ATXN1: variants seen among roughly 807,000 people sequenced by gnomAD.
The protein encoded by ATXN1 is ataxin 1.
Under a neutral mutation model 56.4 loss-of-function variants are expected in ATXN1, and 8 were observed. The ratio of observed to expected loss-of-function variants is 0.14; its 90% CI spans 0.08 to 0.26. ATXN1 has a LOEUF of 0.26. Ranked by LOEUF, ATXN1 falls within the 10% of genes least tolerant of loss-of-function variation. The pLI, the probability that ATXN1 is intolerant of heterozygous loss-of-function variation, is 1.00. For missense variants in ATXN1, 987 were observed against 1,106.5 expected, an observed-to-expected ratio of 0.89 and a Z score of 1.53; for synonymous variants, 514 against 494.6, an observed-to-expected ratio of 1.04 and a Z score of -0.52.
intron 2 of ATXN1, among the ~76,000 whole-genome samples, chr6:16,660,808 A>G (rs988481447): frequency 2.0e-5 from 3 of 151,720 alleles, no homozygotes; most frequent in African/African-American, 7.3e-5. Context: ...CAACTCAGGG[A>G]AAAAAGAGGT....
intron 7 of ATXN1, among the ~76,000 whole-genome samples, chr6:16,313,433 G>A (rs1760443894): frequency 6.6e-6 from 1 of 152,128 alleles, no homozygotes; most frequent in Admixed American, 6.5e-5. Flanking sequence ...CCAAAGACAG[G>A]CCTTAGAATT....
chr6:16,701,693 GACAA>G (rs58758067), intron 2 of ATXN1, among the ~76,000 whole-genome samples: 26,960 of 151,834 alleles, frequency 0.18, 3,215 homozygotes, highest in African/African-American at 0.34. Flanking sequence ...ACCACTAACA[GACAA>G]ACAGAGAGCC....
chr6:16,368,790 G>T (rs1186242450), intron 6 of ATXN1, among the ~76,000 whole-genome samples: 1 of 152,126 alleles, frequency 6.6e-6, no homozygotes, highest in African/African-American at 2.4e-5. Context: ...GTCTTAATCT[G>T]CATCTTAGTA....
chr6:16,741,783 C>T (rs1304971345), intron 2 of ATXN1, among the ~76,000 whole-genome samples: 1 of 152,222 alleles, frequency 6.6e-6, no homozygotes, highest in Admixed American at 6.5e-5. Context: ...TACTCACATT[C>T]TGCTAATCAC....
chr6:16,547,996 A>G (rs1761845944), intron 4 of ATXN1, among the ~76,000 whole-genome samples: 1 of 152,142 alleles, frequency 6.6e-6, no homozygotes, highest in Non-Finnish European at 1.5e-5. Context: ...CTATGCTCTG[A>G]GAAATGCATC....
At chr6:16,340,253 A>G (rs978643936) in intron 6 of ATXN1, among the ~76,000 whole-genome samples, 1 of 152,180 alleles carries the variant, frequency 6.6e-6, no homozygotes, top group Non-Finnish European at 1.5e-5. Flanking sequence ...ATACGTTCCA[A>G]CCTCAGAGGA....
chr6:16,432,840 T>C (rs1340806515), intron 6 of ATXN1: 2 of 152,188 alleles, frequency 1.3e-5, no homozygotes, highest in Non-Finnish European at 2.9e-5. Context: ...TGCCAATGTC[T>C]GGGCTGACAT....
intron 4 of ATXN1, among the ~76,000 whole-genome samples, chr6:16,548,099 G>A (rs1404170096): frequency 6.6e-6 from 1 of 152,162 alleles, no homozygotes; most frequent in Non-Finnish European, 1.5e-5. Context: ...ATGGTACAAT[G>A]TATTGCTTCC....
chr6:16,335,123 G>A (rs562760691), intron 6 of ATXN1, among the ~76,000 whole-genome samples: 2 of 152,354 alleles, frequency 1.3e-5, no homozygotes, highest in Admixed American at 6.5e-5. Flanking sequence ...CTGAGACTGT[G>A]ATTCCACTCT....
intron 6 of ATXN1, among the ~76,000 whole-genome samples, chr6:16,430,554 T>C (rs747073304): frequency 2.6e-5 from 4 of 152,218 alleles, no homozygotes; most frequent in Admixed American, 1.3e-4. Flanking sequence ...TACACAGATG[T>C]TCCATGATTT....
intron 6 of ATXN1, among the ~76,000 whole-genome samples, chr6:16,395,680 T>C (rs1758440807): frequency 6.6e-6 from 1 of 152,214 alleles, no homozygotes. Context: ...TACGATACTA[T>C]ACTTTTTATT....
At chr6:16,668,527 T>C (rs1425841914) in intron 2 of ATXN1, among the ~76,000 whole-genome samples, 4 of 152,138 alleles carry the variant, frequency 2.6e-5, no homozygotes, top group African/African-American at 9.7e-5. Flanking sequence ...CAGGAGTCTA[T>C]AGAGTTCAGC....
intron 4 of ATXN1, among the ~76,000 whole-genome samples, chr6:16,579,343 G>C (rs1762481156): frequency 1.3e-5 from 2 of 152,058 alleles, no homozygotes. Flanking sequence ...CTTTTCCACA[G>C]GGACTTCAAA....
chr6:16,517,210 G>T (rs1243893560), intron 5 of ATXN1, among the ~76,000 whole-genome samples: 1 of 152,120 alleles, frequency 6.6e-6, no homozygotes, highest in African/African-American at 2.4e-5. Flanking sequence ...ATGTCTTTAG[G>T]TCTATTTAAT....
intron 5 of ATXN1, among the ~76,000 whole-genome samples, chr6:16,513,127 CAT>C (rs1761113752): frequency 6.6e-6 from 1 of 152,200 alleles, no homozygotes; most frequent in South Asian, 2.1e-4. Flanking sequence ...GAACTAATCT[CAT>C]GTATGCATTT....
At chr6:16,606,763 C>T (rs930613832) in intron 3 of ATXN1, among the ~76,000 whole-genome samples, 3 of 151,438 alleles carry the variant, frequency 2.0e-5, no homozygotes, top group East Asian at 1.9e-4. Context: ...CTCCTGACCT[C>T]GTGATCCGCC....
At chr6:16,308,401 C>T (rs1198519951) in intron 7 of ATXN1, among the ~76,000 whole-genome samples, 2 of 150,480 alleles carry the variant, frequency 1.3e-5, no homozygotes, top group Non-Finnish European at 2.9e-5. Flanking sequence ...AGATGATGGC[C>T]CAGAGAGGTG....
chr6:16,512,522 T>G (rs1165209872), intron 5 of ATXN1, among the ~76,000 whole-genome samples: 1 of 152,108 alleles, frequency 6.6e-6, no homozygotes, highest in African/African-American at 2.4e-5. Flanking sequence ...AACAACAGCA[T>G]CTCCAAGTTC....
At position 16,323,968 on chromosome 6, in the gene ATXN1, T is replaced by C. The variant is rs565481679; in HGVS notation, c.1917+2426A>G. 1.6e-4 allele frequency among the ~76,000 whole-genome samples: 25 copies of C among 152,256 alleles called. 1 individual carries two copies. In the South Asian group the frequency reaches 3.9e-3, roughly 24 times the overall value. On this transcript the variant is annotated intron_variant, in intron 7 of 7. Transcript: ENST00000436367. ...TAAATAAGATCTTTGGGGAAATCTT[T>C]CTTGGGCCCTTCCAAAGACTGTAAA...
Sources: allele counts gnomAD v4.1 joint callset (sites outside exome capture counted in the v4.1 genomes callset), GRCh38; gene constraint gnomAD v4.1.1; transcripts MANE v1.5; gene names NCBI Gene and HGNC (gene_info 2026-07-23, HGNC 2026-07-21).